The following CNTNAP2 variants were observed in gnomAD, a reference collection of about 807,000 sequenced individuals.
CNTNAP2 encodes the protein contactin associated protein 2.
A neutral mutation model predicts 155.2 loss-of-function variants in CNTNAP2; 98 were observed. The observed-to-expected ratio is 0.63, with a 90% CI of 0.54 to 0.75. The LOEUF (loss-of-function observed/expected upper bound fraction) is 0.75. Ranked by LOEUF, CNTNAP2 falls within the 30% of genes least tolerant of loss-of-function variation. The probability of loss-of-function intolerance (pLI) is 0.00; values close to 1 mark genes in which losing one functional copy is unlikely to be tolerated. For synonymous variants in CNTNAP2, 651 were observed against 631.2 expected (o/e 1.03, Z -0.47); for missense variants, 1,727 against 1,688.1 (o/e 1.02, Z -0.40).
intron 21 of CNTNAP2, among the ~76,000 whole-genome samples, chr7:148,373,672 A>G (rs1175786671): frequency 6.6e-6 from 1 of 152,164 alleles, no homozygotes; most frequent in East Asian, 1.9e-4. Flanking sequence ...TCTTGACCAC[A>G]AAAATGTCAT....
intron 1 of CNTNAP2, among the ~76,000 whole-genome samples, chr7:146,458,860 T>G (rs1223100907): frequency 6.6e-6 from 1 of 152,276 alleles, no homozygotes; most frequent in South Asian, 2.1e-4. Flanking sequence ...CACTGCAGAT[T>G]TAGGACTTGC....
intron 1 of CNTNAP2, among the ~76,000 whole-genome samples, chr7:146,282,347 A>G (rs1467464329): frequency 2.0e-5 from 3 of 152,236 alleles, no homozygotes; most frequent in South Asian, 2.1e-4. Flanking sequence ...CACTGTCTAC[A>G]TACCTAGCTC....
chr7:146,139,036 C>G (rs1797838772), intron 1 of CNTNAP2, among the ~76,000 whole-genome samples: 1 of 152,124 alleles, frequency 6.6e-6, no homozygotes, highest in Non-Finnish European at 1.5e-5. Flanking sequence ...CTACCTTAAA[C>G]ATGCTCAGAA....
chr7:148,050,791 T>G (rs903316669), intron 15 of CNTNAP2, among the ~76,000 whole-genome samples: 4 of 152,256 alleles, frequency 2.6e-5, no homozygotes, highest in Non-Finnish European at 4.4e-5. Flanking sequence ...GTATTTTTAC[T>G]GTACTTTTTC....
At chr7:146,875,967 AAC>A (rs1436265668) in intron 3 of CNTNAP2, among the ~76,000 whole-genome samples, 7 of 149,424 alleles carry the variant, frequency 4.7e-5, no homozygotes, top group African/African-American at 1.5e-4. Flanking sequence ...AAAAACAAAA[AAC>A]AAAAAAACGA....
At chr7:146,944,544 A>G (rs1797118714) in intron 3 of CNTNAP2, among the ~76,000 whole-genome samples, 1 of 152,158 alleles carries the variant, frequency 6.6e-6, no homozygotes, top group South Asian at 2.1e-4. Context: ...ACATTCCTAA[A>G]CTTGCAAGAT....
At position 147,119,757 on chromosome 7, in the gene CNTNAP2, G is replaced by T. The variant is rs1289612899; in HGVS notation, c.755-1222G>T. Among the ~76,000 whole-genome samples the T allele has an allele frequency of 2.0e-5, 3 of 151,980 alleles. No individual in the cohort carries two copies. The East Asian group carries it at 5.8e-4, about 29-fold the overall frequency. On this transcript the variant is annotated intron_variant, in intron 5 of 23. Transcript: ENST00000361727. ...GAGGGAGTGTGGGAGGGGAAAGAAA[G>T]GGAGAGGAAAGAAAGAAAGAAGGAA...
chr7:146,313,285 A>C (rs968504800), intron 1 of CNTNAP2, among the ~76,000 whole-genome samples: 1 of 152,126 alleles, frequency 6.6e-6, no homozygotes, highest in Non-Finnish European at 1.5e-5. Flanking sequence ...CTGTGGCTTT[A>C]ATTTGCATTT....
chr7:148,413,029 GATTAAC>G (rs1242864368), intron 23 of CNTNAP2, among the ~76,000 whole-genome samples: 3 of 151,976 alleles, frequency 2.0e-5, no homozygotes, highest in African/African-American at 4.8e-5. Flanking sequence ...GCATTCCTAG[GATTAAC>G]ATTATCATAA....
chr7:147,781,722 C>T (rs1033941865), intron 13 of CNTNAP2, among the ~76,000 whole-genome samples: 1 of 152,158 alleles, frequency 6.6e-6, no homozygotes, highest in African/African-American at 2.4e-5. Context: ...TTTCATGCAC[C>T]TGATAGAATC....
At chr7:148,240,686 G>T (rs974223492) in intron 20 of CNTNAP2, among the ~76,000 whole-genome samples, 6 of 152,166 alleles carry the variant, frequency 3.9e-5, no homozygotes, top group Admixed American at 3.9e-4. Flanking sequence ...CACAAGCTGA[G>T]ATCCCACAGT....
chr7:148,332,769 C>T (rs1798052383), intron 21 of CNTNAP2, among the ~76,000 whole-genome samples: 2 of 152,146 alleles, frequency 1.3e-5, no homozygotes, highest in South Asian at 4.1e-4. Flanking sequence ...GCCTCTCAGG[C>T]TGTTTGTCCT....
chr7:146,519,083 G>T (rs116435887), intron 1 of CNTNAP2, among the ~76,000 whole-genome samples: 2,219 of 151,934 alleles, frequency 0.015, 45 homozygotes, highest in African/African-American at 0.049. Flanking sequence ...CTAAACGAGC[G>T]TGTGTTCCTT....
chr7:147,104,182 C>A (rs908152430), intron 4 of CNTNAP2, among the ~76,000 whole-genome samples: 16 of 152,024 alleles, frequency 1.1e-4, no homozygotes, highest in Admixed American at 9.8e-4. Context: ...TTTCCAACTA[C>A]CTTTTCAGCT....
intron 13 of CNTNAP2, among the ~76,000 whole-genome samples, chr7:147,652,943 T>G (rs1245485384): frequency 6.6e-6 from 1 of 152,206 alleles, no homozygotes; most frequent in Non-Finnish European, 1.5e-5. Flanking sequence ...ACAAACTTCT[T>G]TCTGAAAAAT....
chr7:147,239,903 A>G (rs12539047), intron 8 of CNTNAP2, among the ~76,000 whole-genome samples: 266 of 152,240 alleles, frequency 1.7e-3, no homozygotes, highest in Non-Finnish European at 3.1e-3. Flanking sequence ...TTTTTCATAT[A>G]TAATATTTTT....
At chr7:147,998,494 A>G (rs576060503) in intron 15 of CNTNAP2, among the ~76,000 whole-genome samples, 48 of 152,268 alleles carry the variant, frequency 3.2e-4, no homozygotes, top group Non-Finnish European at 6.0e-4. Context: ...TTTTGCAATC[A>G]AGGAATTGAT....
chr7:146,446,530 A>G (rs868043451), intron 1 of CNTNAP2, among the ~76,000 whole-genome samples: 3 of 152,118 alleles, frequency 2.0e-5, no homozygotes, highest in African/African-American at 7.2e-5. Flanking sequence ...ACAAATCCCT[A>G]TTATTCTTTG....
At chr7:147,474,422 C>T (rs958050033) in intron 10 of CNTNAP2, among the ~76,000 whole-genome samples, 2 of 152,038 alleles carry the variant, frequency 1.3e-5, no homozygotes, top group African/African-American at 4.8e-5. Context: ...TGGTGAAACC[C>T]CGTCTCTACT....
Sources: gnomAD v4.1 joint callset for allele counts (sites outside exome capture counted in the v4.1 genomes callset) on GRCh38, gnomAD v4.1.1 for gene constraint, MANE v1.5 for transcripts, NCBI Gene and HGNC (gene_info 2026-07-23, HGNC 2026-07-21) for gene names.